Variants in PTPDC1 observed in about 807,000 individuals in gnomAD.
PTPDC1 encodes the protein protein tyrosine phosphatase domain containing 1.
Under a neutral mutation model 75.3 loss-of-function variants are expected in PTPDC1, and 53 were observed. The observed-to-expected ratio is 0.70, with a 90% confidence interval of 0.56 to 0.88. The LOEUF (loss-of-function observed/expected upper bound fraction) is 0.88. PTPDC1 is among the 40% of genes least tolerant of loss of function. The probability of loss-of-function intolerance (pLI) is 0.00; values close to 1 mark genes in which losing one functional copy is unlikely to be tolerated. For missense variants in PTPDC1, 925 were observed against 998.6 expected (o/e 0.93, Z 0.99); for synonymous variants, 349 against 366.2 (o/e 0.95, Z 0.54).
At chr9:94,038,489 A>G in intron 1 of PTPDC1, 1 of 262,272 alleles carries the variant, frequency 3.8e-6, no homozygotes, top group Non-Finnish European at 7.2e-6. Context: ...AAACTGATTT[A>G]AGACTGGCTT....
intron 1 of PTPDC1, among the ~76,000 whole-genome samples, chr9:94,033,486 C>T (rs866839174): frequency 6.6e-6 from 1 of 152,040 alleles, no homozygotes; most frequent in Non-Finnish European, 1.5e-5. Flanking sequence ...TGTTCTAATC[C>T]CAATTCCAGT....
intron 2 of PTPDC1, among the ~76,000 whole-genome samples, chr9:94,067,454 C>A (rs1826350572): frequency 6.6e-6 from 1 of 151,712 alleles, no homozygotes; most frequent in South Asian, 2.1e-4. Flanking sequence ...AAATAATCAA[C>A]ATTATTTACT....
At chr9:94,043,385 G>C (rs1825491687) in intron 1 of PTPDC1, among the ~76,000 whole-genome samples, 3 of 152,108 alleles carry the variant, frequency 2.0e-5, no homozygotes, top group Admixed American at 2.0e-4. Context: ...TTCAGATCTT[G>C]TGCCTATGTT....
At chr9:94,101,439 G>A in intron 6 of PTPDC1, 127 bp from the exon 7 acceptor site, 1 of 643,512 alleles carries the variant, frequency 1.6e-6, no homozygotes, top group Non-Finnish European at 2.6e-6. Context: ...TCCCAGTTCT[G>A]CACTCTGGAG....
chr9:94,051,112 C>T (rs928435801), intron 1 of PTPDC1, among the ~76,000 whole-genome samples: 1 of 152,182 alleles, frequency 6.6e-6, no homozygotes, highest in Non-Finnish European at 1.5e-5. Flanking sequence ...GCCGTCTGTA[C>T]CCCTTTCTTT....
At chr9:94,038,067 A>G (rs1564006790) in intron 1 of PTPDC1, 1 of 521,436 alleles carries the variant, frequency 1.9e-6, no homozygotes, top group East Asian at 4.1e-5. Context: ...ATTTTTGTTC[A>G]GAAGTGTGCC....
At chr9:94,071,206 G>C (rs1219706836) in intron 2 of PTPDC1, among the ~76,000 whole-genome samples, 1 of 152,082 alleles carries the variant, frequency 6.6e-6, no homozygotes, top group Non-Finnish European at 1.5e-5. Flanking sequence ...TTAGCCATTA[G>C]AGCAGTTCTA....
intron 4 of PTPDC1, 112 bp downstream of exon 4, chr9:94,088,375 T>C (rs1587890594): frequency 7.2e-6 from 9 of 1,247,738 alleles, no homozygotes; most frequent in Middle Eastern, 2.1e-4. Flanking sequence ...TTCTGCATCA[T>C]AGTAAGGTTT....
chr9:94,053,466 G>A (rs188096003), intron 1 of PTPDC1, among the ~76,000 whole-genome samples: 5 of 152,146 alleles, frequency 3.3e-5, no homozygotes, highest in East Asian at 1.9e-4. Flanking sequence ...ACTACATAAG[G>A]TATCATAAGC....
intron 2 of PTPDC1, among the ~76,000 whole-genome samples, chr9:94,074,499 T>C (rs1038100934): frequency 1.3e-5 from 2 of 152,098 alleles, no homozygotes; most frequent in African/African-American, 4.8e-5. Context: ...CTGAAGCTCA[T>C]TCCCGGCTGG....
intron 2 of PTPDC1, among the ~76,000 whole-genome samples, chr9:94,085,861 C>T (rs1342360069): frequency 1.3e-5 from 2 of 152,056 alleles, no homozygotes; most frequent in Non-Finnish European, 2.9e-5. Context: ...CATACAAATA[C>T]CCTTCAGTCT....
Position 94,101,571 on chromosome 9 carries a change from GC to G in PTPDC1, c.2020del (p.Asn675IlefsTer22). The G allele has an allele frequency of 6.2e-7, 1 of 1,612,066 alleles. No homozygotes were observed. The highest frequency in any genetic ancestry group is 8.5e-7 in the Non-Finnish European group (1 of 1,178,986). ...CTCTTTCTCTTCCTTTTTAGAAAGA[GC>G]TTAATTCCCGAGATGGAGCTTGGGA... The part of the protein sequence containing the change: ...KRKVEMWQKE[L>X]NSRDGAWERI... On this transcript the variant is annotated frameshift_variant, in exon 7 of 9. Coordinates refer to ENST00000620992, the MANE Select transcript of PTPDC1 (RefSeq NM_001253829.2). LOFTEE classifies it high-confidence loss of function.
At chr9:94,105,664 C>T (rs1380751155) in intron 8 of PTPDC1, among the ~76,000 whole-genome samples, 1 of 69,886 alleles carries the variant, frequency 1.4e-5, no homozygotes, top group Non-Finnish European at 2.4e-5. Flanking sequence ...GAGACTCTGT[C>T]TCAAAAAAAA....
Position 94,084,573 on chromosome 9 carries a change from T to C in PTPDC1, c.43T>C (p.Phe15Leu). 6.2e-7 allele frequency: 1 copy of C among 1,613,634 alleles called. No homozygotes were observed. The highest frequency in any genetic ancestry group is 8.5e-7 in the Non-Finnish European group (1 of 1,180,024). Reference sequence around the variant, plus strand: ...AACCAGGCGGCCCTCAGCCGTGCGCTTCCTCAGCTCCTTTCTCCAGGGCCG... The same window carrying C: ...AACCAGGCGGCCCTCAGCCGTGCGCCTCCTCAGCTCCTTTCTCCAGGGCCG... ...DATRRPSAVR[F>L]LSSFLQGRRH... The change falls in exon 1 of 9, where the codon TTC becomes CTC. Residue 15 changes from phenylalanine (F) to leucine (L), a missense_variant. Physicochemically the swap from Phe to Leu is conservative, Grantham distance 22. Coordinates refer to ENST00000620992, the MANE Select transcript of PTPDC1 (RefSeq NM_001253829.2).
upstream of PTPDC1, among the ~76,000 whole-genome samples, chr9:94,083,567 G>A (rs867924968): frequency 1.6e-4 from 24 of 152,240 alleles, no homozygotes; most frequent in Middle Eastern, 3.2e-3. Context: ...AAGCGAGGGC[G>A]CAGCCTGACA....
intron 1 of PTPDC1, among the ~76,000 whole-genome samples, chr9:94,033,489 A>G (rs999207982): frequency 2.0e-5 from 3 of 152,128 alleles, no homozygotes; most frequent in African/African-American, 2.4e-5. Flanking sequence ...TCTAATCCCA[A>G]TTCCAGTACT....
chr9:94,102,653 C>CA (rs1329607306), intron 7 of PTPDC1, among the ~76,000 whole-genome samples: 1 of 152,130 alleles, frequency 6.6e-6, no homozygotes, highest in African/African-American at 2.4e-5. Context: ...GATCTCAGCT[C>CA]ACTGCAACCT....
At chr9:94,069,551 C>T (rs1417706352) in intron 2 of PTPDC1, among the ~76,000 whole-genome samples, 2 of 144,858 alleles carry the variant, frequency 1.4e-5, no homozygotes, top group Admixed American at 6.9e-5. Context: ...GACAGAGTCT[C>T]GCTCTGTTTC....
At chr9:94,095,599 G>A (rs770342484) in intron 5 of PTPDC1, 145 bp downstream of exon 5, 5 of 637,292 alleles carry the variant, frequency 7.8e-6, no homozygotes, top group Admixed American at 6.0e-5. Context: ...CTAGTGTTCT[G>A]TACCACTGTA....
Sources: allele counts gnomAD v4.1 joint callset (sites outside exome capture counted in the v4.1 genomes callset), GRCh38; gene constraint gnomAD v4.1.1; transcripts MANE v1.5; gene names NCBI Gene and HGNC (gene_info 2026-07-23, HGNC 2026-07-21).